The following RHOU variants were observed in gnomAD, a reference collection of about 807,000 sequenced individuals.
RHOU encodes ras homolog family member U.
Under a neutral mutation model 12.6 loss-of-function variants are expected in RHOU, and 8 were observed. That is an observed-to-expected ratio of 0.64 (90% CI 0.37 to 1.15). The LOEUF is 1.15. Ranked by LOEUF, RHOU falls within the 50% of genes most tolerant of loss-of-function variation. RHOU has a pLI of 0.01. For missense variants in RHOU, 258 were observed against 347.0 expected, an observed-to-expected ratio of 0.74 and a Z score of 2.04; for synonymous variants, 161 against 147.4, an observed-to-expected ratio of 1.09 and a Z score of -0.67.
At chr1:228,685,113 C>T in the RHOU span, among the ~76,000 whole-genome samples, 1 of 152,238 alleles carries the variant, frequency 6.6e-6, no homozygotes, top group East Asian at 1.9e-4. Flanking sequence ...TTGTAAACTG[C>T]CATGGTGCTG....
At chr1:228,697,905 T>C in the RHOU span, among the ~76,000 whole-genome samples, 2 of 152,172 alleles carry the variant, frequency 1.3e-5, no homozygotes, top group African/African-American at 4.8e-5. Flanking sequence ...ATGAAATAGG[T>C]GGGCAGCCTA....
the RHOU span, among the ~76,000 whole-genome samples, chr1:228,685,191 G>T: frequency 6.6e-6 from 1 of 152,142 alleles, no homozygotes; most frequent in Non-Finnish European, 1.5e-5. Flanking sequence ...GTGGGTTTTG[G>T]CTGGCTTCTT....
chr1:228,692,282 T>C, the RHOU span, among the ~76,000 whole-genome samples: 1 of 152,260 alleles, frequency 6.6e-6, no homozygotes, highest in Non-Finnish European at 1.5e-5. Context: ...TACATTCTTC[T>C]AAAATATCAT....
chr1:228,699,055 TG>T, the RHOU span, among the ~76,000 whole-genome samples: 1 of 152,074 alleles, frequency 6.6e-6, no homozygotes, highest in African/African-American at 2.4e-5. Context: ...ATGAAGAGTT[TG>T]GTTATCCTCA....
the RHOU span, among the ~76,000 whole-genome samples, chr1:228,647,007 C>A: frequency 6.8e-6 from 1 of 146,390 alleles, no homozygotes; most frequent in Non-Finnish European, 1.5e-5. Flanking sequence ...AGAAATAACG[C>A]GAGGTCCAGG....
chr1:228,737,557 C>A lies in RHOU; in HGVS notation c.263-116C>A. 9.8e-7 allele frequency: 1 copy of A among 1,017,892 alleles called. No individual in the cohort carries two copies. The highest frequency in any genetic ancestry group is 1.5e-6 in the Non-Finnish European group (1 of 655,972). The allele number at this position is 1,017,892 out of a possible 1,614,324, so 63.1% of individuals were successfully genotyped here. ...GGCTAGTCTTTAATTCATTAGAGGA[C>A]CTAAAATAGGAGCAAAGGGGTTTGG... On this transcript the variant is annotated intron_variant, in intron 1 of 2. Coordinates refer to ENST00000366691, the MANE Select transcript of RHOU (RefSeq NM_021205.6). The surrounding 1 kb of genome is among the most constrained non-coding windows in gnomAD (Gnocchi z 4.1).
Position 228,746,433 on chromosome 1 carries a change from G to A in RHOU, c.*2693G>A, listed in dbSNP as rs1219026570. 6.6e-6 allele frequency: 1 copy of A among 152,156 alleles called. No homozygotes were observed. Among genetic ancestry groups the A allele is most frequent in the Non-Finnish European group, 1.5e-5 (1 of 68,034 alleles). The allele number at this position is 152,156 out of a possible 1,614,324, so 9.4% of individuals were successfully genotyped here. A position where few individuals can be genotyped will look rare whatever the true frequency, so the allele number is the denominator to read the frequency against. ...ACTGTTTGTTATCTCTTGTTACCAT[G>A]TATGTATAAATGGACCTTTTATAAC... On this transcript the variant is annotated 3_prime_UTR_variant, in exon 3 of 3. Transcript: ENST00000366691.
the RHOU span, among the ~76,000 whole-genome samples, chr1:228,729,649 G>T: frequency 6.6e-6 from 1 of 152,152 alleles, no homozygotes; most frequent in African/African-American, 2.4e-5. Flanking sequence ...AATTTTGCAT[G>T]ACCAAAAAAT....
rs753387546 is a variant in RHOU at position 228,743,539 on chromosome 1, C to T, written c.576C>T (p.Ala192=). 2.2e-5 allele frequency: 35 copies of T among 1,614,012 alleles called. No homozygotes were observed. The highest frequency in any genetic ancestry group is 1.1e-5 in the South Asian group (1 of 91,082). ...CTGAAGAGGCGGCTAAGCTGTGCGC[C>T]GAGGAAATCAAAGCCGCCTCCTACA... ...PVPEEAAKLC[A]EEIKAASYIE... Residue 192 remains alanine (A), a synonymous_variant, in exon 3 of 3, where the codon GCC becomes GCT. Transcript: ENST00000366691. The surrounding 1 kb of genome is among the most constrained non-coding windows in gnomAD (Gnocchi z 5.1).
At chr1:228,716,636 A>C in the RHOU span, among the ~76,000 whole-genome samples, 2,947 of 152,196 alleles carry the variant, frequency 0.019, 103 homozygotes, top group African/African-American at 0.067. Context: ...TACAGTGGTC[A>C]CAACATAGTT....
the RHOU span, among the ~76,000 whole-genome samples, chr1:228,721,309 A>C: frequency 1.3e-5 from 2 of 152,206 alleles, no homozygotes; most frequent in African/African-American, 4.8e-5. Context: ...AAAAATAAAA[A>C]TAAAAAATAG....
At chr1:228,739,295 G>T (rs926574256) in intron 2 of RHOU, among the ~76,000 whole-genome samples, 1 of 152,198 alleles carries the variant, frequency 6.6e-6, no homozygotes, top group Non-Finnish European at 1.5e-5. Flanking sequence ...GCCAGGCGCG[G>T]TTGCTCACGC....
rs946056833 is a variant in RHOU, at chr1:228,744,440, A to G, written c.*700A>G. On this transcript the variant is annotated 3_prime_UTR_variant, in exon 3 of 3. Coordinates refer to ENST00000366691, the MANE Select transcript of RHOU (RefSeq NM_021205.6). ...CAGTTGTGTTGACACATATGAACAC[A>G]GACAAAGTGCTATGCGGAGGAAAGC... is the stretch of plus-strand genomic sequence containing the variant. The G allele has an allele frequency of 6.6e-6, 1 of 152,272 alleles. No homozygotes were observed. Among genetic ancestry groups the G allele is most frequent in the Non-Finnish European group, 1.5e-5 (1 of 68,064 alleles). The allele number at this position is 152,272 out of a possible 1,614,324, so 9.4% of individuals were successfully genotyped here.
the RHOU span, among the ~76,000 whole-genome samples, chr1:228,703,897 C>A: frequency 6.6e-6 from 1 of 152,146 alleles, no homozygotes; most frequent in African/African-American, 2.4e-5. Context: ...CCCTGCCTCC[C>A]ATTTCATTCC....
the RHOU span, among the ~76,000 whole-genome samples, chr1:228,716,239 G>A: frequency 3.9e-5 from 6 of 152,080 alleles, no homozygotes; most frequent in African/African-American, 1.2e-4. Flanking sequence ...AAAAAAGCCC[G>A]CTTTACTTTC....
the RHOU span, among the ~76,000 whole-genome samples, chr1:228,696,237 A>C: frequency 6.6e-6 from 1 of 151,464 alleles, no homozygotes; most frequent in African/African-American, 2.4e-5. Context: ...ACAATTAAAA[A>C]AAAAAAACAA....
At chr1:228,703,199 G>C in the RHOU span, among the ~76,000 whole-genome samples, 9 of 152,114 alleles carry the variant, frequency 5.9e-5, no homozygotes, top group African/African-American at 2.2e-4. Flanking sequence ...CTTTCAAATG[G>C]AAATTTCTTT....
the RHOU span, among the ~76,000 whole-genome samples, chr1:228,655,149 G>C: frequency 1.3e-5 from 2 of 148,900 alleles, no homozygotes; most frequent in African/African-American, 5.0e-5. Flanking sequence ...CTGTCACCCA[G>C]GCTGGAGTGC....
chr1:228,690,576 C>T, the RHOU span, among the ~76,000 whole-genome samples: 13 of 151,182 alleles, frequency 8.6e-5, no homozygotes, highest in Non-Finnish European at 1.6e-4. Context: ...CCCGCCTTGG[C>T]CTCCCAAAGT....
Sources: gnomAD v4.1 joint callset for allele counts (sites outside exome capture counted in the v4.1 genomes callset) on GRCh38, gnomAD v4.1.1 for gene constraint, Gnocchi (gnomAD v3.1) non-coding constraint, MANE v1.5 for transcripts, NCBI Gene and HGNC (gene_info 2026-07-23, HGNC 2026-07-21) for gene names.